Variants in PALLD observed in about 807,000 individuals in gnomAD.
The protein encoded by PALLD is palladin, cytoskeletal associated protein.
In PALLD, 61 loss-of-function variants were observed where a neutral mutation model predicts 123.5. The ratio of observed to expected loss-of-function variants is 0.49; its 90% confidence interval spans 0.40 to 0.61. The LOEUF (loss-of-function observed/expected upper bound fraction) is 0.61. PALLD is among the 20% of genes least tolerant of loss of function. The pLI is 0.00. For missense variants in PALLD, 1,273 were observed against 1,377.0 expected, an observed-to-expected ratio of 0.92 and a Z score of 1.20; for synonymous variants, 465 against 496.4, an observed-to-expected ratio of 0.94 and a Z score of 0.84.
chr4:168,805,249 T>C (rs905441546), intron 10 of PALLD, among the ~76,000 whole-genome samples: 3 of 152,100 alleles, frequency 2.0e-5, no homozygotes, highest in Non-Finnish European at 4.4e-5. Context: ...AGGGTTAGTA[T>C]TGAATAGGTC....
At chr4:168,899,691 T>C (rs1756034994) in intron 14 of PALLD, among the ~76,000 whole-genome samples, 1 of 151,918 alleles carries the variant, frequency 6.6e-6, no homozygotes, top group South Asian at 2.1e-4. Flanking sequence ...CCGAGATGGG[T>C]GGATCACCTG....
At chr4:168,658,779 G>A (rs1277316541) in intron 2 of PALLD, among the ~76,000 whole-genome samples, 2 of 152,104 alleles carry the variant, frequency 1.3e-5, no homozygotes, top group African/African-American at 4.8e-5. Flanking sequence ...TTTGAGGAAA[G>A]ACTTGCTAGA....
chr4:168,517,117 G>A (rs986600133), intron 2 of PALLD, among the ~76,000 whole-genome samples: 1 of 152,152 alleles, frequency 6.6e-6, no homozygotes, highest in African/African-American at 2.4e-5. Context: ...AAGACACAGG[G>A]ACTGGGACAT....
chr4:168,782,313 T>C (rs559037352), intron 10 of PALLD, among the ~76,000 whole-genome samples: 1 of 152,314 alleles, frequency 6.6e-6, no homozygotes, highest in African/African-American at 2.4e-5. Context: ...TTAATTTTGA[T>C]CCCAAACCAT....
At chr4:168,522,169 T>C (rs938671993) in intron 2 of PALLD, among the ~76,000 whole-genome samples, 1 of 152,272 alleles carries the variant, frequency 6.6e-6, no homozygotes, top group Admixed American at 6.5e-5. Flanking sequence ...GTTAACTATT[T>C]GCTAGAGTTA....
Position 168,919,363 on chromosome 4 carries a change from A to G in PALLD, c.2851-2171A>G, listed in dbSNP as rs28559692. On this transcript the variant is annotated intron_variant, in intron 17 of 21. Coordinates refer to ENST00000505667, the MANE Select transcript of PALLD (RefSeq NM_001166108.2). ...ACATGGTGAAACCCCGTCTCTACTA[A>G]AATACAAAAAAATCAGCCAGGCATG... 7.7e-3 allele frequency among the ~76,000 whole-genome samples: 1,168 copies of G among 152,104 alleles called. 18 individuals carry two copies. Among genetic ancestry groups the G allele is most frequent in the African/African-American group, 0.026 (1,092 of 41,474 alleles).
intron 16 of PALLD, among the ~76,000 whole-genome samples, chr4:168,914,798 C>G (rs1003691807): frequency 3.3e-5 from 5 of 152,182 alleles, no homozygotes; most frequent in African/African-American, 1.2e-4. Flanking sequence ...AGTTAGCTCA[C>G]AGAGAGTAGG....
chr4:168,542,259 C>T (rs571507005), intron 2 of PALLD, among the ~76,000 whole-genome samples: 8 of 151,784 alleles, frequency 5.3e-5, no homozygotes, highest in East Asian at 1.9e-4. Flanking sequence ...TAACTAAAAC[C>T]GCCACTCATG....
At chr4:168,666,097 C>T (rs1779623575) in intron 2 of PALLD, among the ~76,000 whole-genome samples, 1 of 152,006 alleles carries the variant, frequency 6.6e-6, no homozygotes. Context: ...AGCTCAAGGA[C>T]CTTATAAAAA....
At chr4:168,825,499 G>A (rs1743296941) in intron 10 of PALLD, among the ~76,000 whole-genome samples, 1 of 152,176 alleles carries the variant, frequency 6.6e-6, no homozygotes, top group South Asian at 2.1e-4. Context: ...CAGAAGATTC[G>A]TGTATTGATC....
At chr4:168,867,267 A>C (rs1323964737) in intron 10 of PALLD, among the ~76,000 whole-genome samples, 1 of 152,218 alleles carries the variant, frequency 6.6e-6, no homozygotes, top group African/African-American at 2.4e-5. Flanking sequence ...GTTAGCTCTC[A>C]TCACTAGATG....
chr4:168,681,221 C>T lies in PALLD; in HGVS notation c.1088-111C>T, dbSNP rs17054462. The T allele has an allele frequency of 0.099, 70,184 of 705,656 alleles. 4,708 individuals are homozygous for T. The highest frequency in any genetic ancestry group is 0.23 in the Admixed American group (11,473 of 50,226). 43.7% of individuals were successfully genotyped at this position (705,656 alleles called of 1,614,324 possible). ...AATCACTCTATTTTATTGTGTGTTT[C>T]GGTCAAAAAGACTTTGTATGTTATT... On this transcript the variant is annotated intron_variant, in intron 3 of 21. Transcript: ENST00000505667.
At chr4:168,764,339 TA>T (rs1733360980) in intron 10 of PALLD, among the ~76,000 whole-genome samples, 1 of 152,198 alleles carries the variant, frequency 6.6e-6, no homozygotes, top group African/African-American at 2.4e-5. Context: ...TATTTTGATA[TA>T]AATTATATTT....
chr4:168,853,943 G>A (rs995616069), intron 10 of PALLD, among the ~76,000 whole-genome samples: 9 of 152,206 alleles, frequency 5.9e-5, no homozygotes, highest in African/African-American at 1.9e-4. Flanking sequence ...TGTGAAACAG[G>A]ATCAGGGATG....
chr4:168,712,828 CTTCTTTAGGGGTTA>C (rs1784970317), intron 10 of PALLD, among the ~76,000 whole-genome samples: 1 of 152,118 alleles, frequency 6.6e-6, no homozygotes, highest in Admixed American at 6.5e-5. Flanking sequence ...GCAGGAAGGG[CTTCTTTAGGGGTTA>C]TTCTTTATTT....
At chr4:168,676,242 A>G (rs1780820476) in intron 3 of PALLD, among the ~76,000 whole-genome samples, 1 of 152,064 alleles carries the variant, frequency 6.6e-6, no homozygotes, top group African/African-American at 2.4e-5. Context: ...AACGTTCTTT[A>G]AAACCATTCT....
chr4:168,665,542 G>A (rs374677125), intron 2 of PALLD, among the ~76,000 whole-genome samples: 9 of 152,152 alleles, frequency 5.9e-5, no homozygotes, highest in African/African-American at 2.2e-4. Flanking sequence ...CAGCCTGGGC[G>A]AGACAGCGAG....
chr4:168,927,420 A>G lies in PALLD; in HGVS notation c.*1240A>G, dbSNP rs539964745. On this transcript the variant is annotated 3_prime_UTR_variant, in exon 22 of 22. Coordinates refer to ENST00000505667, the MANE Select transcript of PALLD (RefSeq NM_001166108.2). Reference sequence around the variant, plus strand: ...ATGCTGTGGAGCACACATGCTGTGGAGATTGCAGTGTGTCTGAGGTTTGTG... The same window carrying G: ...ATGCTGTGGAGCACACATGCTGTGGGGATTGCAGTGTGTCTGAGGTTTGTG... 11 of 232,726 alleles carry G rather than the reference A, an allele frequency of 4.7e-5. No homozygotes were observed. Among genetic ancestry groups the G allele is most frequent in the Admixed American group, 2.2e-4 (4 of 17,784 alleles). The allele number at this position is 232,726 out of a possible 1,614,324, so 14.4% of individuals were successfully genotyped here.
chr4:168,504,271 T>C (rs995031404), intron 1 of PALLD, among the ~76,000 whole-genome samples: 2 of 152,156 alleles, frequency 1.3e-5, no homozygotes, highest in Non-Finnish European at 1.5e-5. Flanking sequence ...GTGAAGAACA[T>C]AATGCTACGC....
Sources: allele counts gnomAD v4.1 joint callset (sites outside exome capture counted in the v4.1 genomes callset), GRCh38; gene constraint gnomAD v4.1.1; transcripts MANE v1.5; gene names NCBI Gene and HGNC (gene_info 2026-07-23, HGNC 2026-07-21).